The following TBX5 variants were observed in gnomAD, a reference collection of about 807,000 sequenced individuals.
TBX5 encodes the protein T-box transcription factor 5.
In TBX5, 8 loss-of-function variants were observed where a neutral mutation model predicts 51.1. The observed-to-expected ratio is 0.16, with a 90% CI of 0.09 to 0.28. TBX5 has a LOEUF of 0.28. Ranked by LOEUF, TBX5 falls within the 10% of genes least tolerant of loss-of-function variation. TBX5 has a pLI of 1.00. For synonymous variants in TBX5, 302 were observed against 266.4 expected (o/e 1.13, Z -1.30); for missense variants, 589 against 671.7 (o/e 0.88, Z 1.36).
At chr12:114,402,062 A>G (rs1593884203) in intron 2 of TBX5, 142 bp from the exon 3 acceptor site, 3 of 760,876 alleles carry the variant, frequency 3.9e-6, no homozygotes, top group Non-Finnish European at 6.8e-6. Flanking sequence ...GCTTCAGCCC[A>G]CTGCAGAATT....
chr12:114,362,083 A>T (rs1222204107), intron 8 of TBX5, among the ~76,000 whole-genome samples: 3 of 151,980 alleles, frequency 2.0e-5, no homozygotes, highest in Non-Finnish European at 4.4e-5. Context: ...TCACCTTGTT[A>T]TCGCCAACCA....
rs139371720 is a variant in TBX5, at chr12:114,355,927, C to T, written c.1162G>A (p.Glu388Lys). 73 of 1,613,674 alleles carry T rather than the reference C, an allele frequency of 4.5e-5. No individual in the cohort carries two copies. Among genetic ancestry groups the T allele is most frequent in the East Asian group, 6.7e-5 (3 of 44,894 alleles). ...CMYASSAPPS[E>K]PVPSLEDISC... ...ATGTCCTCTAGGCTGGGCACAGGCTCGCTGGGGGGCGCAGAGCTGGCATAC... is the reference window on the plus strand; with the variant it reads ...ATGTCCTCTAGGCTGGGCACAGGCTTGCTGGGGGGCGCAGAGCTGGCATAC... Residue 388 changes from glutamate (E) to lysine (K), a missense_variant, in exon 9 of 9, where the codon GAG (glutamate) becomes AAG (lysine). Glu to Lys is a moderately conservative substitution (Grantham distance 56). Around this residue, in one of 7 missense-constraint regions of TBX5, gnomAD observed 348 missense variants for 360.4 expected, o/e 0.97. Transcript: ENST00000405440.
At chr12:114,365,829 C>CAAAAAAAAAAA (rs56315440) in intron 8 of TBX5, among the ~76,000 whole-genome samples, 5 of 124,650 alleles carry the variant, frequency 4.0e-5, no homozygotes, top group East Asian at 2.4e-4. Context: ...GATCCTGTCT[C>CAAAAAAAAAAA]AAAAAAAAAA....
At chr12:114,371,508 C>T (rs992517672) in intron 7 of TBX5, among the ~76,000 whole-genome samples, 3 of 151,962 alleles carry the variant, frequency 2.0e-5, no homozygotes, top group Admixed American at 1.3e-4. Context: ...CCCGGGAGAA[C>T]GTTTTCCACT....
chr12:114,385,646 A>G (rs886798884), intron 6 of TBX5, 79 bp from the exon 7 acceptor site: 2 of 1,227,696 alleles, frequency 1.6e-6, no homozygotes, highest in South Asian at 1.2e-5. Flanking sequence ...AGCTAATAAT[A>G]AATATCATGG....
intron 8 of TBX5, among the ~76,000 whole-genome samples, chr12:114,362,189 A>G (rs1003145160): frequency 2.6e-5 from 4 of 152,098 alleles, no homozygotes. Flanking sequence ...CAGCCTTTCA[A>G]TGGGTCTCTG....
chr12:114,384,745 A>ACACACACACACC (rs10629159), intron 7 of TBX5, among the ~76,000 whole-genome samples: 1 of 115,242 alleles, frequency 8.7e-6, no homozygotes, highest in Non-Finnish European at 1.9e-5. Context: ...ACACACACAC[A>ACACACACACACC]ACACACACAC....
Position 114,394,843 on chromosome 12 carries a change from T to C in TBX5, c.561A>G (p.Lys187=). 1 of 1,614,138 alleles carries C rather than the reference T, an allele frequency of 6.2e-7. No individual in the cohort carries two copies. Among genetic ancestry groups the C allele is most frequent in the Non-Finnish European group, 8.5e-7 (1 of 1,180,008 alleles). ...HKYQPRLHIV[K]ADENNGFGSK... Reference sequence around the variant, plus strand: ...AGCCAAATCCATTATTTTCATCCGCTTTCACGATGTGTAATCTAGGCTGGT... The same window carrying C: ...AGCCAAATCCATTATTTTCATCCGCCTTCACGATGTGTAATCTAGGCTGGT... Residue 187 remains lysine, a synonymous_variant, in exon 6 of 9, where the codon AAA becomes AAG. Transcript: ENST00000405440.
rs558688524 is a variant in TBX5 at position 114,354,065 on chromosome 12, C to G, written c.*1467G>C. Reference sequence around the variant, plus strand: ...ATAGGGACACTCACTTACAAACACACTCACACTCTCTCACGTACTTAAACA... The same window carrying G: ...ATAGGGACACTCACTTACAAACACAGTCACACTCTCTCACGTACTTAAACA... On this transcript the variant is annotated 3_prime_UTR_variant, in exon 9 of 9. Coordinates refer to ENST00000405440, the MANE Select transcript of TBX5 (RefSeq NM_181486.4). 2 of 152,654 alleles carry G rather than the reference C, an allele frequency of 1.3e-5. No homozygotes were observed. Among genetic ancestry groups the G allele is most frequent in the South Asian group, 4.1e-4 (2 of 4,820 alleles). 9.5% of individuals were successfully genotyped at this position (152,654 alleles called of 1,614,324 possible). A position where few individuals can be genotyped will look rare whatever the true frequency, so the allele number is the denominator to read the frequency against.
chr12:114,356,400 C>T (rs1868920949), intron 8 of TBX5, among the ~76,000 whole-genome samples: 1 of 152,062 alleles, frequency 6.6e-6, no homozygotes, highest in South Asian at 2.1e-4. Context: ...TGGGAAAATA[C>T]ATGAAGCACT....
chr12:114,383,408 T>C (rs1480027207), intron 7 of TBX5, among the ~76,000 whole-genome samples: 1 of 152,094 alleles, frequency 6.6e-6, no homozygotes, highest in Non-Finnish European at 1.5e-5. Context: ...TGACACATAT[T>C]AGGGGGACAC....
chr12:114,405,803 G>A lies in TBX5; in HGVS notation c.-214C>T, dbSNP rs913681825. ...CGCACCTACCGCTGGAGCCTCCGCG[G>A]CGACTGCCCACCTCCAACACACACC... is the stretch of plus-strand genomic sequence containing the variant. On this transcript the variant is annotated 5_prime_UTR_variant, in exon 1 of 9. Transcript: ENST00000405440. The A allele has an allele frequency of 4.2e-5, 41 of 985,562 alleles. No homozygotes were observed. In the African/African-American group the frequency reaches 7.0e-4, roughly 17 times the overall value. 61.1% of individuals were successfully genotyped at this position (985,562 alleles called of 1,614,324 possible).
At chr12:114,370,278 GAAAAGAAAAGAAAGA>G (rs1869797976) in intron 7 of TBX5, among the ~76,000 whole-genome samples, 1 of 57,788 alleles carries the variant, frequency 1.7e-5, no homozygotes, top group African/African-American at 5.1e-5. Context: ...GAAAAGAAAA[GAAAAGAAAAGAAAGA>G]AAAGAAAAGA....
chr12:114,399,846 T>G (rs1032515451), intron 3 of TBX5, among the ~76,000 whole-genome samples: 1 of 152,164 alleles, frequency 6.6e-6, no homozygotes, highest in East Asian at 1.9e-4. Flanking sequence ...GGCGGGCAAC[T>G]GTAGGTAACC....
At position 114,355,502 on chromosome 12, in the gene TBX5, G is replaced by T. The variant is rs1334410234; in HGVS notation, c.*30C>A. 1.2e-6 allele frequency: 2 copies of T among 1,611,414 alleles called. No homozygotes were observed. Among genetic ancestry groups the T allele is most frequent in the Non-Finnish European group, 1.7e-6 (2 of 1,178,146 alleles). ...TCTCCTCTCTCTCTCTCTTTCTCTA[G>T]GAAATGTCTGTTGTGAAGCAGGCCT... On this transcript the variant is annotated 3_prime_UTR_variant, in exon 9 of 9. Coordinates refer to ENST00000405440, the MANE Select transcript of TBX5 (RefSeq NM_181486.4).
chr12:114,368,452 C>T (rs897814131), intron 7 of TBX5, among the ~76,000 whole-genome samples: 3 of 152,184 alleles, frequency 2.0e-5, no homozygotes, highest in East Asian at 1.9e-4. Flanking sequence ...ATCTTGAATT[C>T]GTCCATTTCA....
At position 114,403,851 on chromosome 12, in the gene TBX5, C is replaced by T. The variant is rs1456796880; in HGVS notation, c.48G>A (p.Glu16=). ...CGCAGGGCAGGTCTTTTGCGTCAGG[C>T]TCCAGAGGCGTGTGCGCCAGGCCAA... ...EGFGLAHTPL[E]PDAKDLPCDS... is the part of the protein sequence containing the mutation. Residue 16 remains glutamate, a synonymous_variant, in exon 2 of 9, where the codon GAG becomes GAA. Coordinates refer to ENST00000405440, the MANE Select transcript of TBX5 (RefSeq NM_181486.4). 2.5e-6 allele frequency: 4 copies of T among 1,613,952 alleles called. No individual in the cohort carries two copies. The highest frequency in any genetic ancestry group is 3.4e-6 in the Non-Finnish European group (4 of 1,180,000).
rs1484583705 is a variant in TBX5, at chr12:114,366,167, T to A, written c.980A>T (p.Lys327Ile). 6.2e-7 allele frequency: 1 copy of A among 1,614,170 alleles called. No homozygotes were observed. Among genetic ancestry groups the A allele is most frequent in the Non-Finnish European group, 8.5e-7 (1 of 1,180,004 alleles). Residue 327 changes from lysine (K) to isoleucine (I), a missense_variant and splice_region_variant, in exon 8 of 9, where the codon AAA becomes ATA. Around this residue, in one of 7 missense-constraint regions of TBX5, gnomAD observed 348 missense variants for 360.4 expected, o/e 0.97. Coordinates refer to ENST00000405440, the MANE Select transcript of TBX5 (RefSeq NM_181486.4). ...TGACCAGGGGTGATCACACTCACCT[T>A]TCCTCTTGGTACAATGGTAAATTTG... is the stretch of plus-strand genomic sequence containing the variant. The part of the protein sequence containing the change: ...HSQIYHCTKR[K>I]EEECSTTDHP...
rs115566378 is a variant in TBX5 at position 114,403,187 on chromosome 12, C to A, written c.147+565G>T. On this transcript the variant is annotated intron_variant, in intron 2 of 8. Coordinates refer to ENST00000405440, the MANE Select transcript of TBX5 (RefSeq NM_181486.4). ...CGGGCAGAGCTCTGTGCGCTCCCAG[C>A]GGCCGGTGATGGCGCGCCAGCCAGC... Among the ~76,000 whole-genome samples, 1,091 of 152,366 alleles carry A rather than the reference C, an allele frequency of 7.2e-3. 11 individuals are homozygous for A. The highest frequency in any genetic ancestry group is 0.025 in the African/African-American group (1,041 of 41,586).
Sources: gnomAD v4.1 joint callset for allele counts (sites outside exome capture counted in the v4.1 genomes callset) on GRCh38, gnomAD v4.1.1 for gene constraint, gnomAD v4.1.1 regional missense constraint, MANE v1.5 for transcripts, NCBI Gene and HGNC (gene_info 2026-07-23, HGNC 2026-07-21) for gene names.